The following LRMDA variants were observed in gnomAD, a reference collection of about 807,000 sequenced individuals.
LRMDA encodes the protein leucine rich melanocyte differentiation associated, also known as leucine-rich melanocyte differentiation-associated protein.
Under a neutral mutation model 29.8 loss-of-function variants are expected in LRMDA, and 18 were observed. That is an observed-to-expected ratio of 0.60 (90% CI 0.42 to 0.90). The LOEUF (loss-of-function observed/expected upper bound fraction) is 0.90, where lower values mean the gene tolerates loss of function less well. Ranked by LOEUF, LRMDA falls within the 40% of genes least tolerant of loss-of-function variation. The pLI is 0.00. For missense variants in LRMDA, 273 were observed against 273.9 expected, an observed-to-expected ratio of 1.00 and a Z score of 0.02; for synonymous variants, 125 against 109.4, an observed-to-expected ratio of 1.14 and a Z score of -0.89.
chr10:76,056,880 G>A (rs1428951325), intron 4 of LRMDA, among the ~76,000 whole-genome samples: 1 of 152,136 alleles, frequency 6.6e-6, no homozygotes, highest in Admixed American at 6.5e-5. Context: ...ACTCAGGAGG[G>A]CATGGGGCTC....
At chr10:76,013,954 G>A (rs905511718) in intron 2 of LRMDA, among the ~76,000 whole-genome samples, 1 of 151,264 alleles carries the variant, frequency 6.6e-6, no homozygotes, top group African/African-American at 2.4e-5. Flanking sequence ...ACTGATGGCA[G>A]GAGGTTGGTT....
intron 2 of LRMDA, among the ~76,000 whole-genome samples, chr10:75,863,890 C>A (rs1190856003): frequency 1.3e-5 from 2 of 152,098 alleles, no homozygotes; most frequent in Non-Finnish European, 2.9e-5. Flanking sequence ...TGATTTTTCC[C>A]ATATATTATT....
At chr10:75,720,793 T>C (rs1192189654) in intron 2 of LRMDA, among the ~76,000 whole-genome samples, 2 of 152,306 alleles carry the variant, frequency 1.3e-5, no homozygotes, top group East Asian at 3.9e-4. Context: ...GTCCAGTGTG[T>C]GTAGACCTCT....
intron 5 of LRMDA, among the ~76,000 whole-genome samples, chr10:76,106,273 T>A (rs1319251804): frequency 1.3e-5 from 2 of 152,220 alleles, no homozygotes; most frequent in African/African-American, 4.8e-5. Flanking sequence ...GTTTGGGGTA[T>A]GGTATGGTCC....
intron 2 of LRMDA, among the ~76,000 whole-genome samples, chr10:75,902,809 G>A (rs1478981039): frequency 6.6e-6 from 1 of 152,148 alleles, no homozygotes; most frequent in East Asian, 1.9e-4. Flanking sequence ...CAGTGAGGAG[G>A]GCCAACCCAG....
At chr10:75,688,983 A>C (rs1374112497) in intron 2 of LRMDA, among the ~76,000 whole-genome samples, 2 of 152,136 alleles carry the variant, frequency 1.3e-5, no homozygotes, top group Non-Finnish European at 2.9e-5. Flanking sequence ...CAGTATAATA[A>C]CTTTTTATGT....
At chr10:76,013,295 A>ATTT (rs59047696) in intron 2 of LRMDA, among the ~76,000 whole-genome samples, 1 of 138,072 alleles carries the variant, frequency 7.2e-6, no homozygotes, top group African/African-American at 2.7e-5. Flanking sequence ...AGATGATTTA[A>ATTT]TTTTTTTTTT....
intron 2 of LRMDA, among the ~76,000 whole-genome samples, chr10:75,448,532 G>A (rs1844420709): frequency 6.6e-6 from 1 of 152,176 alleles, no homozygotes; most frequent in African/African-American, 2.4e-5. Flanking sequence ...AGACCTTCAA[G>A]TTCTCAACCA....
At chr10:76,536,672 A>G (rs1843294312) in intron 6 of LRMDA, among the ~76,000 whole-genome samples, 1 of 152,136 alleles carries the variant, frequency 6.6e-6, no homozygotes, top group Admixed American at 6.5e-5. Context: ...TGATATTGGC[A>G]TATTTACTGC....
At chr10:76,143,030 T>G (rs906415667) in intron 5 of LRMDA, among the ~76,000 whole-genome samples, 2 of 152,238 alleles carry the variant, frequency 1.3e-5, no homozygotes, top group Non-Finnish European at 2.9e-5. Context: ...CGCATCATTT[T>G]TTATGGCTGC....
chr10:76,552,434 G>A (rs564653222), intron 6 of LRMDA, among the ~76,000 whole-genome samples: 1 of 152,214 alleles, frequency 6.6e-6, no homozygotes. Flanking sequence ...ATACTGTGGG[G>A]TTACAGGCTG....
intron 6 of LRMDA, among the ~76,000 whole-genome samples, chr10:76,332,474 A>G (rs1238819048): frequency 1.3e-5 from 2 of 152,202 alleles, no homozygotes; most frequent in Admixed American, 1.3e-4. Context: ...TCTCTCCCAG[A>G]GCAAAGCAAG....
At chr10:76,381,888 T>C (rs1398203604) in intron 6 of LRMDA, among the ~76,000 whole-genome samples, 1 of 152,242 alleles carries the variant, frequency 6.6e-6, no homozygotes, top group East Asian at 1.9e-4. Context: ...CCCAGAATAC[T>C]AGAACAAGGC....
intron 5 of LRMDA, among the ~76,000 whole-genome samples, chr10:76,157,398 G>A (rs901173685): frequency 6.6e-6 from 1 of 152,124 alleles, no homozygotes; most frequent in South Asian, 2.1e-4. Context: ...GATCACTTGA[G>A]GCTAGGAGTT....
chr10:76,273,314 A>G (rs188488023), intron 5 of LRMDA, among the ~76,000 whole-genome samples: 2 of 152,142 alleles, frequency 1.3e-5, no homozygotes, highest in African/African-American at 4.8e-5. Flanking sequence ...AATTTTGTGT[A>G]AATATTTAGG....
chr10:75,754,130 T>C (rs1020344064), intron 2 of LRMDA, among the ~76,000 whole-genome samples: 2 of 152,218 alleles, frequency 1.3e-5, no homozygotes, highest in African/African-American at 4.8e-5. Context: ...GAAAAATCCT[T>C]CCATGCCTTT....
intron 2 of LRMDA, among the ~76,000 whole-genome samples, chr10:75,807,212 A>T (rs940323460): frequency 6.6e-6 from 1 of 152,176 alleles, no homozygotes; most frequent in Non-Finnish European, 1.5e-5. Context: ...AGCAGTAGGC[A>T]TATGGCCAGG....
chr10:75,580,663 A>G (rs942433371), intron 2 of LRMDA, among the ~76,000 whole-genome samples: 3 of 152,222 alleles, frequency 2.0e-5, no homozygotes, highest in Admixed American at 2.0e-4. Context: ...ACCTGACTTC[A>G]AACTATACTA....
At chr10:76,214,000 C>T (rs1310758069) in intron 5 of LRMDA, among the ~76,000 whole-genome samples, 1 of 152,204 alleles carries the variant, frequency 6.6e-6, no homozygotes, top group Non-Finnish European at 1.5e-5. Flanking sequence ...TGGATCAGGG[C>T]CTGGATTCCA....
Sources: gnomAD v4.1 joint callset for allele counts (sites outside exome capture counted in the v4.1 genomes callset) on GRCh38, gnomAD v4.1.1 for gene constraint, MANE v1.5 for transcripts, NCBI Gene and HGNC (gene_info 2026-07-23, HGNC 2026-07-21) for gene names.